Variants in SERPINB6 observed in about 807,000 individuals in gnomAD.
SERPINB6 encodes the protein serpin family B member 6.
In SERPINB6, 16 loss-of-function variants were observed where a neutral mutation model predicts 26.1. The observed-to-expected ratio is 0.61, with a 90% confidence interval of 0.42 to 0.93. The LOEUF (loss-of-function observed/expected upper bound fraction) is 0.93. Among genes scored for constraint, SERPINB6 ranks in the 40% least tolerant of loss-of-function variants. The pLI, the probability that SERPINB6 is intolerant of heterozygous loss-of-function variation, is 0.00. For missense variants in SERPINB6, 420 were observed against 478.0 expected (o/e 0.88, Z 1.13); for synonymous variants, 174 against 176.6 (o/e 0.99, Z 0.11).
chr6:2,958,453 G>A (rs889996008), intron 2 of SERPINB6, among the ~76,000 whole-genome samples: 9 of 152,144 alleles, frequency 5.9e-5, no homozygotes, highest in East Asian at 3.9e-4. Context: ...GGACACAGGC[G>A]GGGACGTGAT....
At position 2,955,589 on chromosome 6, in the gene SERPINB6, C is replaced by T; in HGVS notation, c.247G>A (p.Gly83Ser). 2 of 1,614,234 alleles carry T rather than the reference C, an allele frequency of 1.2e-6. No homozygotes were observed. The highest frequency in any genetic ancestry group is 1.7e-6 in the Non-Finnish European group (2 of 1,180,026). ...QSLLTEVNKT[G>S]TQYLLRMANR... ...GCCATCCTAAGCAAGTACTGCGTGC[C>T]AGTCTTGTTCACTTCGGTGAGAAGA... The change falls in exon 3 of 7, where the codon GGC becomes AGC. Residue 83 changes from glycine to serine, a missense_variant. By Grantham distance (56) the Gly-to-Ser change is moderately conservative. Coordinates refer to ENST00000380539, the MANE Select transcript of SERPINB6 (RefSeq NM_004568.6).
chr6:2,969,088 G>A, intron 1 of SERPINB6: 1 of 1,092,262 alleles, frequency 9.2e-7, no homozygotes. Flanking sequence ...AAAAAAGATT[G>A]GAGAGATCCA....
intron 1 of SERPINB6, among the ~76,000 whole-genome samples, chr6:2,964,676 T>C (rs1306697102): frequency 1.3e-5 from 2 of 152,202 alleles, no homozygotes; most frequent in African/African-American, 4.8e-5. Context: ...TTAAAAGAGA[T>C]GTTATAAAAG....
At chr6:2,961,687 T>C (rs952502150) in intron 1 of SERPINB6, among the ~76,000 whole-genome samples, 13 of 151,984 alleles carry the variant, frequency 8.6e-5, no homozygotes, top group African/African-American at 1.7e-4. Flanking sequence ...CCTGGGGACA[T>C]GGACTTCTGT....
At chr6:2,970,328 G>T in intron 1 of SERPINB6, 1 of 988,934 alleles carries the variant, frequency 1.0e-6, no homozygotes, top group South Asian at 4.7e-5. Context: ...TTACATAGTC[G>T]AGTATGACCA....
intron 5 of SERPINB6, among the ~76,000 whole-genome samples, chr6:2,950,005 A>G (rs756270507): frequency 8.5e-5 from 13 of 152,154 alleles, no homozygotes; most frequent in Non-Finnish European, 1.2e-4. Flanking sequence ...ACCTTGGCAG[A>G]GAAGCTGTCC....
intron 1 of SERPINB6, among the ~76,000 whole-genome samples, chr6:2,961,519 G>A (rs1212479508): frequency 1.3e-5 from 2 of 152,116 alleles, no homozygotes; most frequent in African/African-American, 4.8e-5. Context: ...AGAACTGCCC[G>A]CTTATCAACT....
intron 1 of SERPINB6, chr6:2,970,428 A>G: frequency 5.7e-6 from 6 of 1,058,000 alleles, no homozygotes; most frequent in Non-Finnish European, 6.8e-6. Flanking sequence ...TATGCTGATA[A>G]CAGCAGTCAC....
At chr6:2,949,627 C>G (rs763647697) in intron 5 of SERPINB6, among the ~76,000 whole-genome samples, 30 of 152,330 alleles carry the variant, frequency 2.0e-4, no homozygotes, top group Middle Eastern at 3.4e-3. Flanking sequence ...AAAATCTGAC[C>G]TGTTCCTTCT....
intron 5 of SERPINB6, among the ~76,000 whole-genome samples, chr6:2,950,846 T>C (rs996907519): frequency 6.6e-5 from 10 of 152,218 alleles, no homozygotes; most frequent in Non-Finnish European, 1.3e-4. Context: ...CTGTGTTAAA[T>C]GGAATAAATA....
intron 1 of SERPINB6, chr6:2,969,183 T>G: frequency 2.0e-6 from 2 of 988,980 alleles, no homozygotes; most frequent in Non-Finnish European, 2.4e-6. Flanking sequence ...ATAAACAATC[T>G]AGTGAGATTT....
At chr6:2,969,265 T>G (rs989374701) in intron 1 of SERPINB6, 8 of 985,584 alleles carry the variant, frequency 8.1e-6, no homozygotes, top group Non-Finnish European at 9.6e-6. Flanking sequence ...CACAGTCACG[T>G]TGCAAACTCA....
intron 1 of SERPINB6, 185 bp from the exon 2 acceptor site, chr6:2,959,527 G>A (rs149216427): frequency 3.3e-4 from 215 of 651,586 alleles, no homozygotes; most frequent in African/African-American, 2.7e-3. Flanking sequence ...GTTAAGTGTG[G>A]AAAATGAAAG....
chr6:2,965,146 TA>T (rs1771491039), intron 1 of SERPINB6, among the ~76,000 whole-genome samples: 1 of 152,248 alleles, frequency 6.6e-6, no homozygotes, highest in African/African-American at 2.4e-5. Context: ...ATTTGCCTTA[TA>T]TTAATAGTGC....
intron 5 of SERPINB6, among the ~76,000 whole-genome samples, chr6:2,951,767 A>G (rs1769837970): frequency 6.6e-6 from 1 of 152,202 alleles, no homozygotes; most frequent in South Asian, 2.1e-4. Context: ...CTCAGAAAGC[A>G]TGACGGGATT....
At chr6:2,971,727 C>T (rs1477960779), upstream of SERPINB6, 1 of 152,210 alleles carries the variant, frequency 6.6e-6, no homozygotes, top group Non-Finnish European at 1.5e-5. Flanking sequence ...GAGTCCTGCC[C>T]GGAGGCCTTG....
Position 2,948,466 on chromosome 6 carries a change from C to T in SERPINB6, c.963G>A (p.Val321=). 1 of 1,614,214 alleles carries T rather than the reference C, an allele frequency of 6.2e-7. No individual in the cohort carries two copies. The highest frequency in any genetic ancestry group is 8.5e-7 in the Non-Finnish European group (1 of 1,180,028). Residue 321 remains valine, a synonymous_variant, in exon 7 of 7, where the codon GTG becomes GTA. Transcript: ENST00000380539. This position sits in a 1 kb window ranked among gnomAD's most constrained non-coding sequence, Gnocchi z 5.0. ...CCTCCGTGCCTTCCTCATTGACCTC[C>T]ACAAAAGACTTGTGCACGACCTTGG... ...SLSKVVHKSF[V]EVNEEGTEAA...
intron 1 of SERPINB6, among the ~76,000 whole-genome samples, chr6:2,965,413 G>C (rs1445055681): frequency 6.8e-6 from 1 of 147,206 alleles, no homozygotes; most frequent in Non-Finnish European, 1.5e-5. Context: ...AGTTTGGCAG[G>C]CTGGTCAGAC....
chr6:2,948,422 G>A lies in SERPINB6; in HGVS notation c.1007C>T (p.Ala336Val), dbSNP rs763618033. 6.2e-7 allele frequency: 1 copy of A among 1,614,180 alleles called. No homozygotes were observed. Among genetic ancestry groups the A allele is most frequent in the African/African-American group, 1.3e-5 (1 of 75,054 alleles). ...TCTGGCACACCGCATCATCATGATG[G>A]CAGCTGTGGCGGCTGCAGCCTCCGT... ...EGTEAAAATAAIMMMRCARFV... is the reference protein window; with the variant it reads ...EGTEAAAATAVIMMMRCARFV... Residue 336 changes from alanine to valine, a missense_variant, in exon 7 of 7, where the codon GCC becomes GTC. Physicochemically the swap from Ala to Val is moderately conservative, Grantham distance 64 (BLOSUM62 0). Transcript: ENST00000380539. This position sits in a 1 kb window ranked among gnomAD's most constrained non-coding sequence, Gnocchi z 5.0.
Sources: allele counts gnomAD v4.1 joint callset (sites outside exome capture counted in the v4.1 genomes callset), GRCh38; gene constraint gnomAD v4.1.1; non-coding constraint Gnocchi (gnomAD v3.1); transcripts MANE v1.5; gene names NCBI Gene and HGNC (gene_info 2026-07-23, HGNC 2026-07-21).